Variants in CCDC40 observed in about 807,000 individuals in gnomAD.
CCDC40 encodes the protein coiled-coil domain-containing protein 40.
In CCDC40, 104 loss-of-function variants were observed where a neutral mutation model predicts 124.5. The observed-to-expected ratio is 0.84, with a 90% CI of 0.71 to 0.98. The LOEUF (loss-of-function observed/expected upper bound fraction) is 0.98. Among genes scored for constraint, CCDC40 ranks in the 50% least tolerant of loss-of-function variants. The pLI is 0.00. For missense variants in CCDC40, 1,463 were observed against 1,503.9 expected, an observed-to-expected ratio of 0.97 and a Z score of 0.45; for synonymous variants, 580 against 602.9, an observed-to-expected ratio of 0.96 and a Z score of 0.56.
intron 12 of CCDC40, among the ~76,000 whole-genome samples, chr17:80,082,769 C>G (rs2038487250): frequency 6.6e-6 from 1 of 152,230 alleles, no homozygotes; most frequent in Admixed American, 6.5e-5. Context: ...CCCCAGGCCC[C>G]CGGGCCCCCG....
chr17:80,087,561 C>T lies in CCDC40; in HGVS notation c.2450-46C>T, dbSNP rs191747480. 5.0e-4 allele frequency: 791 copies of T among 1,568,450 alleles called. 2 individuals carry two copies. Among genetic ancestry groups the T allele is most frequent in the Middle Eastern group, 2.0e-3 (12 of 5,890 alleles). Reference sequence around the variant, plus strand: ...ACACTGCTGCCTGCGGGCGAGGACCCGTACCCTCCTGGGGTCTCTCCCTGA... The same window carrying T: ...ACACTGCTGCCTGCGGGCGAGGACCTGTACCCTCCTGGGGTCTCTCCCTGA... On this transcript the variant is annotated intron_variant, in intron 14 of 19. Coordinates refer to ENST00000397545, the MANE Select transcript of CCDC40 (RefSeq NM_017950.4). The surrounding 1 kb of genome is among the most constrained non-coding windows in gnomAD (Gnocchi z 4.5).
chr17:80,041,970 T>G (rs2037294202), intron 3 of CCDC40, among the ~76,000 whole-genome samples: 1 of 152,170 alleles, frequency 6.6e-6, no homozygotes. Flanking sequence ...GGGAAGGTGC[T>G]TTTTTCTTTT....
In CCDC40 at chr17:80,036,703, C is replaced by A. The variant is rs577056774; in HGVS notation, c.29+12C>A. On this transcript the variant is annotated intron_variant, in intron 1 of 19. Coordinates refer to ENST00000397545, the MANE Select transcript of CCDC40 (RefSeq NM_017950.4). ...GGCGCGGCGGGCCGGTAAGCCGGGC[C>A]GAGGGGCAGCGGGTCTTGGAGTCGC... 4.8e-6 allele frequency: 7 copies of A among 1,462,928 alleles called. No homozygotes were observed. The South Asian group carries it at 7.9e-5, about 17-fold the overall frequency. The allele number at this position is 1,462,928 out of a possible 1,614,324, so 90.6% of individuals were successfully genotyped here.
rs2038623546 is a variant in CCDC40 at position 80,087,959 on chromosome 17, T to C, written c.2620-52T>C. ...GGGATAGAGGGCACCAGCCCCGGCATCCACAATCCCATGGCCCTCCCCACA... is the reference window on the plus strand; with the variant it reads ...GGGATAGAGGGCACCAGCCCCGGCACCCACAATCCCATGGCCCTCCCCACA... On this transcript the variant is annotated intron_variant, in intron 15 of 19. Coordinates refer to ENST00000397545, the MANE Select transcript of CCDC40 (RefSeq NM_017950.4). This position sits in a 1 kb window ranked among gnomAD's most constrained non-coding sequence, Gnocchi z 4.5. 2 of 1,434,260 alleles carry C rather than the reference T, an allele frequency of 1.4e-6. No homozygotes were observed. The highest frequency in any genetic ancestry group is 4.5e-5 in the East Asian group (2 of 44,040). 88.8% of individuals were successfully genotyped at this position (1,434,260 alleles called of 1,614,324 possible). A position where few individuals can be genotyped will look rare whatever the true frequency, so the allele number is the denominator to read the frequency against.
intron 10 of CCDC40, among the ~76,000 whole-genome samples, chr17:80,068,762 G>A (rs1023233932): frequency 1.3e-5 from 2 of 151,640 alleles, no homozygotes; most frequent in African/African-American, 2.4e-5. Flanking sequence ...TACATGAATC[G>A]AGCTCACCAG....
At chr17:80,093,730 T>TCTCAAACTCCTGAG (rs1486525664) in intron 17 of CCDC40, among the ~76,000 whole-genome samples, 1 of 147,574 alleles carries the variant, frequency 6.8e-6, no homozygotes, top group Admixed American at 6.7e-5. Flanking sequence ...GCCAGGTTGG[T>TCTCAAACTCCTGAG]CTCAAACTCC....
intron 7 of CCDC40, among the ~76,000 whole-genome samples, chr17:80,051,980 C>T (rs1488506758): frequency 6.9e-6 from 1 of 144,910 alleles, no homozygotes; most frequent in Non-Finnish European, 1.5e-5. Flanking sequence ...CCAGCAAGGC[C>T]TGCGTCAAAC....
chr17:80,064,573 A>G (rs1382637896), intron 9 of CCDC40, among the ~76,000 whole-genome samples: 2 of 152,096 alleles, frequency 1.3e-5, no homozygotes, highest in African/African-American at 4.8e-5. Flanking sequence ...AGCGGGTGAG[A>G]TTCAGCCCAG....
chr17:80,087,954 C>A lies in CCDC40; in HGVS notation c.2620-57C>A. ...GTGCCGGGATAGAGGGCACCAGCCC[C>A]GGCATCCACAATCCCATGGCCCTCC... On this transcript the variant is annotated intron_variant, in intron 15 of 19. Transcript: ENST00000397545. This position sits in a 1 kb window ranked among gnomAD's most constrained non-coding sequence, Gnocchi z 4.5. 7.1e-7 allele frequency: 1 copy of A among 1,406,376 alleles called. No homozygotes were observed. Among genetic ancestry groups the A allele is most frequent in the South Asian group, 1.1e-5 (1 of 87,014 alleles). 87.1% of individuals were successfully genotyped at this position (1,406,376 alleles called of 1,614,324 possible).
At chr17:80,077,624 C>T (rs2143722433) in intron 10 of CCDC40, among the ~76,000 whole-genome samples, 1 of 152,222 alleles carries the variant, frequency 6.6e-6, no homozygotes, top group East Asian at 1.9e-4. Context: ...GTTCCACATC[C>T]TCGCCAACAT....
At position 80,095,367 on chromosome 17, in the gene CCDC40, C is replaced by T; in HGVS notation, c.2937C>T (p.Arg979=). Residue 979 remains arginine, a synonymous_variant, in exon 18 of 20, where the codon CGC becomes CGT. Coordinates refer to ENST00000397545, the MANE Select transcript of CCDC40 (RefSeq NM_017950.4). ...ETVTTQAEGQ[R]KMDRKALTRT... Reference sequence around the variant, plus strand: ...TCACCACCCAGGCCGAGGGGCAGCGCAAGATGGACAGGAAGGCGCTCACCC... The same window carrying T: ...TCACCACCCAGGCCGAGGGGCAGCGTAAGATGGACAGGAAGGCGCTCACCC... The T allele has an allele frequency of 6.2e-7, 1 of 1,614,134 alleles. No individual in the cohort carries two copies. The highest frequency in any genetic ancestry group is 1.1e-5 in the South Asian group (1 of 91,090).
Position 80,058,761 on chromosome 17 carries a change from G to T in CCDC40, c.1318-97G>T. The T allele has an allele frequency of 6.2e-7, 1 of 1,607,122 alleles. No individual in the cohort carries two copies. The highest frequency in any genetic ancestry group is 8.5e-7 in the Non-Finnish European group (1 of 1,174,230). On this transcript the variant is annotated intron_variant, in intron 8 of 19. Coordinates refer to ENST00000397545, the MANE Select transcript of CCDC40 (RefSeq NM_017950.4). The surrounding 1 kb of genome is among the most constrained non-coding windows in gnomAD (Gnocchi z 4.2). ...GCTTCCGGCCGGAGGGGTGGCGGCC[G>T]GCCTGGGTGGCGTCAACTTGTATCA...
intron 10 of CCDC40, among the ~76,000 whole-genome samples, chr17:80,075,449 A>T (rs1234372747): frequency 6.6e-6 from 1 of 151,752 alleles, no homozygotes; most frequent in East Asian, 1.9e-4. Context: ...AACTAATTTT[A>T]TTTTTTTAAG....
intron 7 of CCDC40, among the ~76,000 whole-genome samples, chr17:80,050,652 C>T (rs1056653814): frequency 1.3e-5 from 2 of 152,210 alleles, no homozygotes; most frequent in Non-Finnish European, 2.9e-5. Context: ...CCATGTTGGC[C>T]AGGCTGGTCT....
At position 80,085,752 on chromosome 17, in the gene CCDC40, A is replaced by G. The variant is rs2017601; in HGVS notation, c.2236-251A>G. 0.67 allele frequency among the ~76,000 whole-genome samples: 98,966 copies of G among 148,494 alleles called. 33,090 individuals carry two copies. Among genetic ancestry groups the G allele is most frequent in the Middle Eastern group, 0.81 (231 of 284 alleles). On this transcript the variant is annotated intron_variant, in intron 13 of 19. Coordinates refer to ENST00000397545, the MANE Select transcript of CCDC40 (RefSeq NM_017950.4). ...AGTGGTGCCATCTTGCTCACTGCACATCTGCCTCCTGAGTTCAAGCGATTC... is the reference window on the plus strand; with the variant it reads ...AGTGGTGCCATCTTGCTCACTGCACGTCTGCCTCCTGAGTTCAAGCGATTC...
At chr17:80,090,755 G>T in intron 17 of CCDC40, 34 of 1,375,140 alleles carry the variant, frequency 2.5e-5, no homozygotes, top group Non-Finnish European at 3.0e-5. Flanking sequence ...AAGGTTCAGG[G>T]CCTTAAGGAT....
chr17:80,083,787 T>C (rs1447824309), intron 12 of CCDC40, among the ~76,000 whole-genome samples: 1 of 152,234 alleles, frequency 6.6e-6, no homozygotes, highest in African/African-American at 2.4e-5. Flanking sequence ...GGCTCAGACC[T>C]GCCGGACAGC....
chr17:80,086,412 C>A lies in CCDC40; in HGVS notation c.2449+196C>A. On this transcript the variant is annotated intron_variant, in intron 14 of 19. Transcript: ENST00000397545. The surrounding 1 kb of genome is among the most constrained non-coding windows in gnomAD (Gnocchi z 5.5). Reference sequence around the variant, plus strand: ...TGCCCAGCTGCCCAGTTCGCAGTCACAGCGGGAGGGTTGAGAAATGTCACG... The same window carrying A: ...TGCCCAGCTGCCCAGTTCGCAGTCAAAGCGGGAGGGTTGAGAAATGTCACG... The A allele has an allele frequency of 1.7e-6, 1 of 591,400 alleles. No individual in the cohort carries two copies. The highest frequency in any genetic ancestry group is 1.9e-5 in the South Asian group (1 of 52,368). 36.6% of individuals were successfully genotyped at this position (591,400 alleles called of 1,614,324 possible). A position where few individuals can be genotyped will look rare whatever the true frequency, so the allele number is the denominator to read the frequency against.
In CCDC40 at chr17:80,066,998, C is replaced by T. The variant is rs896964285; in HGVS notation, c.1562+1392C>T. ...CTGCCCACTTGGGTGTCTTTTTCCT[C>T]CTGCCCCAATGCTAGGACTTGATAC... is the stretch of plus-strand genomic sequence containing the variant. On this transcript the variant is annotated intron_variant, in intron 10 of 19. Transcript: ENST00000397545. This position sits in a 1 kb window ranked among gnomAD's most constrained non-coding sequence, Gnocchi z 4.4. 1 of 152,976 alleles carries T rather than the reference C, an allele frequency of 6.5e-6. No individual in the cohort carries two copies. Among genetic ancestry groups the T allele is most frequent in the African/African-American group, 2.4e-5 (1 of 41,468 alleles). 9.5% of individuals were successfully genotyped at this position (152,976 alleles called of 1,614,324 possible).
Sources: allele counts gnomAD v4.1 joint callset (sites outside exome capture counted in the v4.1 genomes callset), GRCh38; gene constraint gnomAD v4.1.1; non-coding constraint Gnocchi (gnomAD v3.1); transcripts MANE v1.5; gene names NCBI Gene and HGNC (gene_info 2026-07-23, HGNC 2026-07-21).